The following VLDLR variants were observed in gnomAD, a reference collection of about 807,000 sequenced individuals.
The protein encoded by VLDLR is very low-density lipoprotein receptor.
A neutral mutation model predicts 112.7 loss-of-function variants in VLDLR; 81 were observed. The observed-to-expected ratio is 0.72, with a 90% CI of 0.60 to 0.86. The LOEUF (loss-of-function observed/expected upper bound fraction) is 0.86. Among genes scored for constraint, VLDLR ranks in the 40% least tolerant of loss-of-function variants. The pLI is 0.00. For missense variants in VLDLR, 1,237 were observed against 1,099.4 expected, an observed-to-expected ratio of 1.13 and a Z score of -1.77; for synonymous variants, 436 against 384.8, an observed-to-expected ratio of 1.13 and a Z score of -1.56.
chr9:2,648,103 C>A, intron 12 of VLDLR, 105 bp from the exon 13 acceptor site: 2 of 1,507,058 alleles, frequency 1.3e-6, no homozygotes, highest in Non-Finnish European at 1.8e-6. Flanking sequence ...AGAAACCCTG[C>A]TGGGGAAAGA....
chr9:2,656,942 C>CAAAAAAAAAAAAA lies in VLDLR; in HGVS notation c.*3090_*3102dup, dbSNP rs35624077. ...TCTTTAGTTCTTGATGAATACAAGG[C>CAAAAAAAAAAAAA]AAAAAAAAAAAAAAAAAAAAAAAAA... On this transcript the variant is annotated 3_prime_UTR_variant, in exon 19 of 19. Transcript: ENST00000382100. The CAAAAAAAAAAAAA allele has an allele frequency of 1.5e-5, 1 of 67,132 alleles. No individual in the cohort carries two copies. The highest frequency in any genetic ancestry group is 2.9e-5 in the Non-Finnish European group (1 of 34,738). 4.2% of individuals were successfully genotyped at this position (67,132 alleles called of 1,614,324 possible).
Position 2,653,851 on chromosome 9 carries a change from G to A in VLDLR, c.2605G>A (p.Asp869Asn). The A allele has an allele frequency of 1.2e-6, 2 of 1,613,904 alleles. No individual in the cohort carries two copies. The highest frequency in any genetic ancestry group is 1.7e-6 in the Non-Finnish European group (2 of 1,179,838). Residue 869 changes from aspartate to asparagine, a missense_variant, in exon 19 of 19, where the codon GAT becomes AAT. By Grantham distance (23) the Asp-to-Asn change is conservative. Coordinates refer to ENST00000382100, the MANE Select transcript of VLDLR (RefSeq NM_003383.5). ...TCCACAGATATCAGTTGTAAGCACA[G>A]ATGATGATCTAGCTTGACTTCTGTG... ...TYPAISVVST[D>N]DDLA
At chr9:2,631,440 G>C (rs1213154140) in intron 1 of VLDLR, among the ~76,000 whole-genome samples, 1 of 152,132 alleles carries the variant, frequency 6.6e-6, no homozygotes. Context: ...AAAGGGTAAA[G>C]AAAATATGGT....
intron 1 of VLDLR, 102 bp from the exon 2 acceptor site, chr9:2,635,351 G>A (rs926320391): frequency 4.4e-5 from 69 of 1,577,692 alleles, no homozygotes; most frequent in African/African-American, 1.5e-4. Context: ...ATAGCCTGCC[G>A]AGTCTGCAGT....
chr9:2,640,102 A>C (rs951835315), intron 3 of VLDLR, 121 bp downstream of exon 3: 14 of 1,517,156 alleles, frequency 9.2e-6, no homozygotes, highest in South Asian at 7.9e-5. Context: ...AGTTTAGGTC[A>C]ATTGACTCCA....
intron 1 of VLDLR, among the ~76,000 whole-genome samples, chr9:2,632,142 T>A (rs1817376237): frequency 6.6e-6 from 1 of 152,172 alleles, no homozygotes; most frequent in Admixed American, 6.5e-5. Context: ...TTCTAAGGAT[T>A]AGAGCTGGAA....
chr9:2,630,348 G>A (rs994899123), intron 1 of VLDLR, among the ~76,000 whole-genome samples: 1 of 152,122 alleles, frequency 6.6e-6, no homozygotes, highest in African/African-American at 2.4e-5. Flanking sequence ...AATGCCCTTG[G>A]TGGCCCCAGA....
At chr9:2,634,804 A>C (rs1817528754) in intron 1 of VLDLR, among the ~76,000 whole-genome samples, 1 of 152,196 alleles carries the variant, frequency 6.6e-6, no homozygotes, top group African/African-American at 2.4e-5. Flanking sequence ...AAGAGGAGGA[A>C]TCATGTATTA....
chr9:2,649,048 TTC>T (rs1818195213), intron 14 of VLDLR, among the ~76,000 whole-genome samples: 1 of 152,208 alleles, frequency 6.6e-6, no homozygotes, highest in African/African-American at 2.4e-5. Context: ...GAGCTTTTAT[TTC>T]TGTTTCATTC....
chr9:2,647,421 A>C, intron 11 of VLDLR, 53 bp from the exon 12 acceptor site: 1 of 1,529,624 alleles, frequency 6.5e-7, no homozygotes, highest in Non-Finnish European at 9.1e-7. Context: ...CAGCTACTAC[A>C]ACTTTATTCC....
chr9:2,658,262 G>A lies in VLDLR; in HGVS notation c.*4394G>A, dbSNP rs1475961661. 6.6e-6 allele frequency: 1 copy of A among 152,200 alleles called. No individual in the cohort carries two copies. Among genetic ancestry groups the A allele is most frequent in the East Asian group, 1.9e-4 (1 of 5,194 alleles). The allele number at this position is 152,200 out of a possible 1,614,324, so 9.4% of individuals were successfully genotyped here. A position where few individuals can be genotyped will look rare whatever the true frequency, so the allele number is the denominator to read the frequency against. ...TAGATAAATAAGCTACTAACAAACT[G>A]ATAACAGTGGTGTTCCATCTCTCTA... On this transcript the variant is annotated 3_prime_UTR_variant, in exon 19 of 19. Transcript: ENST00000382100.
At chr9:2,632,295 C>T (rs1043275110) in intron 1 of VLDLR, among the ~76,000 whole-genome samples, 1 of 152,212 alleles carries the variant, frequency 6.6e-6, no homozygotes, top group Non-Finnish European at 1.5e-5. Context: ...TCAACCACCC[C>T]TCTAGCCTGA....
chr9:2,641,004 T>C (rs1563755967), intron 3 of VLDLR, among the ~76,000 whole-genome samples: 1 of 152,218 alleles, frequency 6.6e-6, no homozygotes, highest in Non-Finnish European at 1.5e-5. Flanking sequence ...TGACTTTTCA[T>C]GTATTTGAGA....
chr9:2,631,590 A>G lies in VLDLR; in HGVS notation c.83-3863A>G, dbSNP rs117392078. On this transcript the variant is annotated intron_variant, in intron 1 of 18. Transcript: ENST00000382100. ...GCAGGACAAATATCTTATGTTCTCA[A>G]TCGTATGTGGAAGCTTAAATATTTC... 1.4e-4 allele frequency among the ~76,000 whole-genome samples: 21 copies of G among 152,300 alleles called. No homozygotes were observed. The East Asian group carries it at 3.9e-3, about 28-fold the overall frequency.
Position 2,643,515 on chromosome 9 carries a change from T to G in VLDLR, c.804T>G (p.Ser268Arg). 1 of 1,614,178 alleles carries G rather than the reference T, an allele frequency of 6.2e-7. No homozygotes were observed. ...GGGACCCTGACTGCAAGGATGGCAG[T>G]GATGAGGTCAACTGTCGTAAGTAGC... is the stretch of plus-strand genomic sequence containing the variant. ...CDGDPDCKDG[S>R]DEVNCPSRTC... Residue 268 changes from serine (S) to arginine (R), a missense_variant, in exon 5 of 19, where the codon AGT becomes AGG. By Grantham distance (110) the Ser-to-Arg change is moderately radical. Transcript: ENST00000382100.
At chr9:2,645,862 C>G in intron 10 of VLDLR, 117 bp downstream of exon 10, 1 of 1,156,448 alleles carries the variant, frequency 8.6e-7, no homozygotes, top group South Asian at 1.3e-5. Flanking sequence ...CATCGAATTA[C>G]CTGGGGACAT....
At chr9:2,630,499 G>A (rs1214482947) in intron 1 of VLDLR, among the ~76,000 whole-genome samples, 1 of 152,170 alleles carries the variant, frequency 6.6e-6, no homozygotes, top group Non-Finnish European at 1.5e-5. Context: ...GCAGGCTGAA[G>A]TACGCTCTGA....
At chr9:2,625,872 G>C (rs1817067255) in intron 1 of VLDLR, among the ~76,000 whole-genome samples, 1 of 152,208 alleles carries the variant, frequency 6.6e-6, no homozygotes, top group South Asian at 2.1e-4. Context: ...TAGAAAATCT[G>C]AGGACTGATA....
Position 2,627,610 on chromosome 9 carries a change from A to G in VLDLR, c.82+5339A>G, listed in dbSNP as rs1387486576. ...CCGGGCGCGGTGGCTCAAACCTATA[A>G]TCCCAGTGCTTTTGGAGGCCGAGGC... is the stretch of plus-strand genomic sequence containing the variant. On this transcript the variant is annotated intron_variant, in intron 1 of 18. Transcript: ENST00000382100. Among the ~76,000 whole-genome samples, 3 of 152,094 alleles carry G rather than the reference A, an allele frequency of 2.0e-5. No individual in the cohort carries two copies. The East Asian group carries it at 5.8e-4, about 29-fold the overall frequency.
Sources: gnomAD v4.1 joint callset for allele counts (sites outside exome capture counted in the v4.1 genomes callset) on GRCh38, gnomAD v4.1.1 for gene constraint, MANE v1.5 for transcripts, NCBI Gene and HGNC (gene_info 2026-07-23, HGNC 2026-07-21) for gene names.